RXYLT1: variants seen among roughly 807,000 people sequenced by gnomAD.
The protein encoded by RXYLT1 is ribitol xylosyltransferase 1, also known as ribitol-5-phosphate xylosyltransferase 1.
Under a neutral mutation model 43.5 loss-of-function variants are expected in RXYLT1, and 41 were observed. The ratio of observed to expected loss-of-function variants is 0.94; its 90% CI spans 0.73 to 1.22. The LOEUF (loss-of-function observed/expected upper bound fraction) is 1.22. RXYLT1 is among the 50% of genes most tolerant of loss of function. RXYLT1 has a pLI of 0.00. For synonymous variants in RXYLT1, 166 were observed against 194.4 expected, an observed-to-expected ratio of 0.85 and a Z score of 1.21; for missense variants, 514 against 532.0, an observed-to-expected ratio of 0.97 and a Z score of 0.33.
chr12:63,787,240 T>G (rs1897823935), intron 3 of RXYLT1, among the ~76,000 whole-genome samples: 2 of 152,234 alleles, frequency 1.3e-5, no homozygotes, highest in Non-Finnish European at 2.9e-5. Context: ...AGAAGTAGAT[T>G]CCATCTCAGG....
intron 5 of RXYLT1, chr12:63,806,738 C>A (rs1469223621): frequency 1.4e-5 from 2 of 147,840 alleles, no homozygotes; most frequent in Admixed American, 6.6e-5. Flanking sequence ...CCCTAATAAT[C>A]CCAATTTTGA....
At chr12:63,787,044 CAG>C (rs1375628311) in intron 3 of RXYLT1, among the ~76,000 whole-genome samples, 1 of 151,948 alleles carries the variant, frequency 6.6e-6, no homozygotes, top group East Asian at 1.9e-4. Context: ...ACCTGGGAGT[CAG>C]AGGATGCAGT....
intron 3 of RXYLT1, among the ~76,000 whole-genome samples, chr12:63,794,826 C>T (rs758138980): frequency 2.0e-5 from 3 of 151,730 alleles, no homozygotes; most frequent in African/African-American, 2.4e-5. Flanking sequence ...AACAGAGGGC[C>T]GTTCCATAGT....
intron 4 of RXYLT1, 33 bp downstream of exon 4, chr12:63,802,438 C>A: frequency 6.6e-7 from 1 of 1,503,852 alleles, no homozygotes; most frequent in Non-Finnish European, 8.9e-7. Context: ...CATTTTTAGG[C>A]CCTAACACCT....
intron 4 of RXYLT1, 117 bp downstream of exon 4, chr12:63,802,522 C>A: frequency 1.1e-6 from 1 of 870,288 alleles, no homozygotes; most frequent in Non-Finnish European, 1.7e-6. Context: ...AGGCCAGGTA[C>A]AGTCTTTCTC....
intron 3 of RXYLT1, among the ~76,000 whole-genome samples, chr12:63,787,340 G>A (rs967170069): frequency 4.6e-5 from 7 of 152,094 alleles, no homozygotes; most frequent in Non-Finnish European, 1.0e-4. Flanking sequence ...ACACCTTCAG[G>A]TTCCACTTCT....
chr12:63,807,472 C>G (rs1297059728), intron 5 of RXYLT1: 1 of 152,198 alleles, frequency 6.6e-6, no homozygotes, highest in Admixed American at 6.5e-5. Context: ...CTGTTTTATA[C>G]CTTCTTCTCT....
At chr12:63,782,051 T>C (rs1419940582) in intron 2 of RXYLT1, among the ~76,000 whole-genome samples, 1 of 152,248 alleles carries the variant, frequency 6.6e-6, no homozygotes, top group East Asian at 1.9e-4. Flanking sequence ...GTCTCTAATA[T>C]TGATTTCTTC....
At chr12:63,780,362 A>G in intron 1 of RXYLT1, 3 of 1,286,320 alleles carry the variant, frequency 2.3e-6, no homozygotes, top group Non-Finnish European at 2.9e-6. Context: ...AGGGGGTGAC[A>G]GGCGCGCACG....
At chr12:63,785,745 CATT>C (rs1048269233) in intron 3 of RXYLT1, among the ~76,000 whole-genome samples, 4 of 152,024 alleles carry the variant, frequency 2.6e-5, no homozygotes, top group African/African-American at 7.2e-5. Flanking sequence ...AAAATAAAAA[CATT>C]ATTTTTAAAT....
chr12:63,796,496 T>C (rs1898033845), intron 3 of RXYLT1, among the ~76,000 whole-genome samples: 1 of 152,216 alleles, frequency 6.6e-6, no homozygotes. Context: ...CACCCACAAA[T>C]GTTAGCATCC....
Position 63,801,385 on chromosome 12 carries a change from G to C in RXYLT1, c.429-706G>C, listed in dbSNP as rs543943884. On this transcript the variant is annotated intron_variant, in intron 3 of 5. Transcript: ENST00000261234. ...GTAATAGCAGCTCACACCATAAAAGGGTTGAGAACTACTGACTTTAAATGC... is the reference window on the plus strand; with the variant it reads ...GTAATAGCAGCTCACACCATAAAAGCGTTGAGAACTACTGACTTTAAATGC... Among the ~76,000 whole-genome samples, 167 of 152,164 alleles carry C rather than the reference G, an allele frequency of 1.1e-3. 1 individual carries two copies. Among genetic ancestry groups the C allele is most frequent in the Non-Finnish European group, 2.0e-3 (138 of 68,016 alleles).
chr12:63,797,800 G>T (rs1368613072), intron 3 of RXYLT1, among the ~76,000 whole-genome samples: 2 of 152,168 alleles, frequency 1.3e-5, no homozygotes, highest in South Asian at 2.1e-4. Flanking sequence ...CCAAGTAGGA[G>T]ATTGGAAGTA....
At chr12:63,794,403 G>A (rs1156950329) in intron 3 of RXYLT1, among the ~76,000 whole-genome samples, 1 of 152,004 alleles carries the variant, frequency 6.6e-6, no homozygotes, top group Non-Finnish European at 1.5e-5. Context: ...CCCTAGCTTT[G>A]GAAAATGTAT....
chr12:63,801,715 G>A (rs1485133532), intron 3 of RXYLT1, among the ~76,000 whole-genome samples: 1 of 151,904 alleles, frequency 6.6e-6, no homozygotes, highest in Non-Finnish European at 1.5e-5. Context: ...CCAGCTACTC[G>A]GGAGGCTGAG....
chr12:63,788,730 A>T (rs568717830), intron 3 of RXYLT1, among the ~76,000 whole-genome samples: 1 of 152,366 alleles, frequency 6.6e-6, no homozygotes, highest in African/African-American at 2.4e-5. Flanking sequence ...CTTTCTCCAT[A>T]TGAGCAATAA....
intron 3 of RXYLT1, among the ~76,000 whole-genome samples, chr12:63,787,625 GTTGT>G (rs1363064532): frequency 1.3e-5 from 2 of 151,640 alleles, no homozygotes; most frequent in Non-Finnish European, 2.9e-5. Flanking sequence ...TTTTGTTGTT[GTTGT>G]TTGTTGTTTT....
In RXYLT1 at chr12:63,808,792, T is replaced by C. The variant is rs1309792094; in HGVS notation, c.1032T>C (p.Ala344=). 6.2e-7 allele frequency: 1 copy of C among 1,613,864 alleles called. No homozygotes were observed. Among genetic ancestry groups the C allele is most frequent in the Non-Finnish European group, 8.5e-7 (1 of 1,180,016 alleles). ...CAGAATGCTATCGAATCTATGAGGC[T>C]TGCTCCTATGGCTCCATTCCTGTGG... ...VNTECYRIYE[A]CSYGSIPVVE... The change falls in exon 6 of 6, where the codon GCT becomes GCC. Residue 344 remains alanine (A), a synonymous_variant. Transcript: ENST00000261234.
At chr12:63,789,025 A>C in intron 3 of RXYLT1, among the ~76,000 whole-genome samples, 1 of 152,172 alleles carries the variant, frequency 6.6e-6, no homozygotes, top group East Asian at 1.9e-4. Flanking sequence ...CTTTAGTAAT[A>C]AGCAGAAAAG....
Sources: allele counts gnomAD v4.1 joint callset (sites outside exome capture counted in the v4.1 genomes callset), GRCh38; gene constraint gnomAD v4.1.1; transcripts MANE v1.5; gene names NCBI Gene and HGNC (gene_info 2026-07-23, HGNC 2026-07-21).